The following KCNIP4 variants were observed in gnomAD, a reference collection of about 807,000 sequenced individuals.
KCNIP4 encodes potassium voltage-gated channel interacting protein 4, also known as Kv channel-interacting protein 4.
Under a neutral mutation model 34.0 loss-of-function variants are expected in KCNIP4, and 12 were observed. The observed-to-expected ratio is 0.35, with a 90% CI of 0.23 to 0.57. The LOEUF (loss-of-function observed/expected upper bound fraction) is 0.57, where lower values mean the gene tolerates loss of function less well. Ranked by LOEUF, KCNIP4 falls within the 20% of genes least tolerant of loss-of-function variation. The pLI, the probability that KCNIP4 is intolerant of heterozygous loss-of-function variation, is 0.83. For missense variants in KCNIP4, 238 were observed against 311.7 expected, an observed-to-expected ratio of 0.76 and a Z score of 1.78; for synonymous variants, 124 against 102.2, an observed-to-expected ratio of 1.21 and a Z score of -1.29.
chr4:21,513,328 C>T (rs909830524), intron 1 of KCNIP4, among the ~76,000 whole-genome samples: 8 of 152,276 alleles, frequency 5.3e-5, no homozygotes, highest in East Asian at 1.9e-4. Context: ...CAGCTCATTA[C>T]GTTAAAGAAA....
intron 1 of KCNIP4, among the ~76,000 whole-genome samples, chr4:20,940,840 T>C (rs1258179265): frequency 6.6e-6 from 1 of 152,170 alleles, no homozygotes; most frequent in African/African-American, 2.4e-5. Context: ...GAGGAGAACA[T>C]GAACATCAGC....
At chr4:20,967,002 G>A (rs1734414839) in intron 1 of KCNIP4, among the ~76,000 whole-genome samples, 1 of 152,098 alleles carries the variant, frequency 6.6e-6, no homozygotes, top group Non-Finnish European at 1.5e-5. Context: ...CAGCATTTCT[G>A]GAAAAATTTG....
intron 1 of KCNIP4, among the ~76,000 whole-genome samples, chr4:21,103,499 AACTT>A (rs1748150439): frequency 6.6e-6 from 1 of 150,808 alleles, no homozygotes; most frequent in South Asian, 2.1e-4. Flanking sequence ...ATCTAATAAA[AACTT>A]AAATCAGTGG....
At chr4:21,804,200 A>G (rs1035436853) in intron 1 of KCNIP4, among the ~76,000 whole-genome samples, 1 of 152,258 alleles carries the variant, frequency 6.6e-6, no homozygotes, top group African/African-American at 2.4e-5. Context: ...TTAGAAGGCA[A>G]GAAGGACAAT....
chr4:21,895,559 TAA>T (rs1467739584), intron 1 of KCNIP4, among the ~76,000 whole-genome samples: 1 of 152,154 alleles, frequency 6.6e-6, no homozygotes. Context: ...CCACAAGAAT[TAA>T]ATAAGTCCAC....
chr4:20,869,427 A>C (rs1723206780), intron 2 of KCNIP4, among the ~76,000 whole-genome samples: 3 of 151,930 alleles, frequency 2.0e-5, no homozygotes, highest in Admixed American at 6.6e-5. Context: ...TGTCTGGCAC[A>C]TAGTAAACAT....
chr4:21,666,347 T>G lies in KCNIP4; in HGVS notation c.61+282224A>C, dbSNP rs529390090. 5.8e-4 allele frequency among the ~76,000 whole-genome samples: 88 copies of G among 152,342 alleles called. 1 individual carries two copies. Among genetic ancestry groups the G allele is most frequent in the African/African-American group, 2.1e-3 (86 of 41,578 alleles). Reference sequence around the variant, plus strand: ...CTTCATTAGAGCCTATCCAAATGCATCATTGCAACGGATCATCTCCCCACA... The same window carrying G: ...CTTCATTAGAGCCTATCCAAATGCAGCATTGCAACGGATCATCTCCCCACA... On this transcript the variant is annotated intron_variant, in intron 1 of 8. Transcript: ENST00000382152.
At chr4:21,030,605 C>T (rs1313718387) in intron 1 of KCNIP4, among the ~76,000 whole-genome samples, 1 of 152,106 alleles carries the variant, frequency 6.6e-6, no homozygotes, top group Non-Finnish European at 1.5e-5. Context: ...TTTAATCAAA[C>T]CATACCACAC....
chr4:21,206,497 C>A (rs1756862139), intron 1 of KCNIP4, among the ~76,000 whole-genome samples: 1 of 152,138 alleles, frequency 6.6e-6, no homozygotes, highest in Admixed American at 6.5e-5. Flanking sequence ...AAGAGGTTTT[C>A]TGGATCTTTA....
intron 1 of KCNIP4, among the ~76,000 whole-genome samples, chr4:21,728,484 G>T (rs777066303): frequency 1.3e-5 from 2 of 152,096 alleles, no homozygotes; most frequent in Non-Finnish European, 1.5e-5. Flanking sequence ...CTAGGTGTCT[G>T]CTTCTGCCCT....
chr4:21,559,983 C>T (rs548019467), intron 1 of KCNIP4, among the ~76,000 whole-genome samples: 1 of 152,114 alleles, frequency 6.6e-6, no homozygotes, highest in South Asian at 2.1e-4. Context: ...GATTTATGCC[C>T]TTACTTGATC....
At chr4:21,686,314 T>C (rs1040419104) in intron 1 of KCNIP4, among the ~76,000 whole-genome samples, 4 of 152,144 alleles carry the variant, frequency 2.6e-5, no homozygotes, top group Non-Finnish European at 5.9e-5. Context: ...ACTCAAAGCA[T>C]GGTAATATGT....
At chr4:21,322,738 G>A (rs1714635513) in intron 1 of KCNIP4, among the ~76,000 whole-genome samples, 1 of 151,892 alleles carries the variant, frequency 6.6e-6, no homozygotes, top group Non-Finnish European at 1.5e-5. Flanking sequence ...TACCACTCCT[G>A]TTTTTGTTAA....
chr4:21,538,706 A>C (rs1323391654), intron 1 of KCNIP4, among the ~76,000 whole-genome samples: 2 of 152,176 alleles, frequency 1.3e-5, no homozygotes, highest in African/African-American at 4.8e-5. Context: ...CACATTACCC[A>C]GTGGTTTTAT....
chr4:20,770,906 GC>G (rs1236650276), intron 3 of KCNIP4, among the ~76,000 whole-genome samples: 2 of 152,128 alleles, frequency 1.3e-5, no homozygotes, highest in African/African-American at 4.8e-5. Flanking sequence ...TTGCACTCCA[GC>G]CTGGGAGACA....
intron 1 of KCNIP4, among the ~76,000 whole-genome samples, chr4:21,420,591 T>C (rs565325851): frequency 8.5e-4 from 130 of 152,346 alleles, no homozygotes; most frequent in Non-Finnish European, 1.6e-3. Context: ...CCTGACACTC[T>C]ACCCTCTGTT....
chr4:20,944,669 A>T (rs1428587699), intron 1 of KCNIP4, among the ~76,000 whole-genome samples: 1 of 152,168 alleles, frequency 6.6e-6, no homozygotes, highest in Non-Finnish European at 1.5e-5. Context: ...GAGGCTTTGC[A>T]TCGGCTTTGG....
At chr4:21,446,793 A>G (rs978444199) in intron 1 of KCNIP4, among the ~76,000 whole-genome samples, 10 of 152,280 alleles carry the variant, frequency 6.6e-5, no homozygotes, top group Non-Finnish European at 1.5e-4. Context: ...ACATAAAAAA[A>G]AACTTATTTC....
rs921470807 is a variant in KCNIP4 at position 21,790,728 on chromosome 4, G to T, written c.61+157843C>A. Among the ~76,000 whole-genome samples the T allele has an allele frequency of 2.0e-5, 3 of 151,932 alleles. No homozygotes were observed. The East Asian group carries it at 5.8e-4, about 29-fold the overall frequency. ...TTCAGCATAATCCAGCTTAATCATT[G>T]CCTTATAATCTTAGAAAGAACCCTA... On this transcript the variant is annotated intron_variant, in intron 1 of 8. Transcript: ENST00000382152.
Sources: gnomAD v4.1 joint callset for allele counts (sites outside exome capture counted in the v4.1 genomes callset) on GRCh38, gnomAD v4.1.1 for gene constraint, MANE v1.5 for transcripts, NCBI Gene and HGNC (gene_info 2026-07-23, HGNC 2026-07-21) for gene names.